The following STAG1 variants were observed in gnomAD, a reference collection of about 807,000 sequenced individuals.
The protein encoded by STAG1 is cohesin subunit SA-1.
STAG1 carries 26 observed loss-of-function variants against 170.9 expected under a neutral mutation model. The ratio of observed to expected loss-of-function variants is 0.15; its 90% confidence interval spans 0.11 to 0.21. The LOEUF is 0.21. STAG1 is among the 10% of genes least tolerant of loss of function. The pLI, the probability that STAG1 is intolerant of heterozygous loss-of-function variation, is 1.00. For synonymous variants in STAG1, 514 were observed against 497.7 expected, an observed-to-expected ratio of 1.03 and a Z score of -0.44; for missense variants, 964 against 1,509.5, an observed-to-expected ratio of 0.64 and a Z score of 5.99.
At chr3:136,373,495 A>C (rs1204716186) in intron 23 of STAG1, among the ~76,000 whole-genome samples, 7 of 151,464 alleles carry the variant, frequency 4.6e-5, no homozygotes, top group Non-Finnish European at 1.0e-4. Context: ...TAGGGCTATA[A>C]ATTTCCCTCT....
intron 2 of STAG1, among the ~76,000 whole-genome samples, chr3:136,623,486 G>A (rs981284776): frequency 3.3e-5 from 5 of 152,104 alleles, no homozygotes; most frequent in African/African-American, 1.2e-4. Context: ...TTGTGGAAAT[G>A]ATAGCTGCTA....
intron 20 of STAG1, among the ~76,000 whole-genome samples, chr3:136,418,449 A>G (rs2087845704): frequency 6.7e-6 from 1 of 149,832 alleles, no homozygotes; most frequent in Non-Finnish European, 1.5e-5. Flanking sequence ...TAAAGGAAAT[A>G]CTCATTAAAT....
intron 1 of STAG1, among the ~76,000 whole-genome samples, chr3:136,711,487 G>A (rs796757107): frequency 7.9e-5 from 12 of 152,134 alleles, no homozygotes; most frequent in African/African-American, 2.9e-4. Context: ...TATAAGCCCA[G>A]GAGGTCAAGG....
intron 7 of STAG1, among the ~76,000 whole-genome samples, chr3:136,504,436 A>G (rs949680183): frequency 2.6e-5 from 4 of 152,206 alleles, no homozygotes; most frequent in African/African-American, 9.6e-5. Context: ...ACTGAGAAAT[A>G]TTCTTGTGTT....
At chr3:136,574,756 C>G (rs779032025) in intron 4 of STAG1, among the ~76,000 whole-genome samples, 24 of 152,092 alleles carry the variant, frequency 1.6e-4, no homozygotes, top group Admixed American at 4.6e-4. Flanking sequence ...CTTTTGGTAA[C>G]TGATAGAAGA....
intron 1 of STAG1, among the ~76,000 whole-genome samples, chr3:136,684,329 C>T (rs1169992968): frequency 6.6e-6 from 1 of 152,046 alleles, no homozygotes; most frequent in Non-Finnish European, 1.5e-5. Flanking sequence ...CAAAACAATA[C>T]GACAAATAGA....
chr3:136,373,465 G>T (rs149327729), intron 23 of STAG1, among the ~76,000 whole-genome samples: 59 of 151,760 alleles, frequency 3.9e-4, no homozygotes, highest in East Asian at 9.7e-4. Context: ...AGATCTTTCC[G>T]GCTTTCTCTT....
Position 136,634,479 on chromosome 3 carries a change from AT to A in STAG1, c.-83-3499del, listed in dbSNP as rs1022591219. ...AAACCCTTAACAACAGAATCTCAAA[AT>A]TTTTTTTTAAAAACCAGAGAAATTA... On this transcript the variant is annotated intron_variant, in intron 1 of 33. Transcript: ENST00000383202. Among the ~76,000 whole-genome samples, 6 of 151,974 alleles carry A rather than the reference AT, an allele frequency of 3.9e-5. No homozygotes were observed. In the East Asian group the frequency reaches 5.8e-4, roughly 15 times the overall value.
chr3:136,493,889 C>A (rs1311409380), intron 9 of STAG1, among the ~76,000 whole-genome samples: 1 of 152,126 alleles, frequency 6.6e-6, no homozygotes, highest in Non-Finnish European at 1.5e-5. Flanking sequence ...TTATGAATAA[C>A]ATTATGCCAT....
At chr3:136,401,067 G>C (rs864437) in intron 21 of STAG1, among the ~76,000 whole-genome samples, 51,692 of 151,992 alleles carry the variant, frequency 0.34, 11,047 homozygotes, top group East Asian at 0.8. Flanking sequence ...AATATTCCTT[G>C]CTATGACACC....
chr3:136,587,945 A>G (rs925375140), intron 4 of STAG1, among the ~76,000 whole-genome samples: 1 of 152,236 alleles, frequency 6.6e-6, no homozygotes, highest in African/African-American at 2.4e-5. Flanking sequence ...CCTGGGCAAC[A>G]AGAGCAAAAG....
chr3:136,455,326 A>T (rs565326183), intron 13 of STAG1, among the ~76,000 whole-genome samples: 16 of 152,348 alleles, frequency 1.1e-4, no homozygotes, highest in Middle Eastern at 3.4e-3. Flanking sequence ...CAGAATCAAG[A>T]AACTATGATT....
At chr3:136,527,805 T>TCAA (rs1286768332) in intron 6 of STAG1, among the ~76,000 whole-genome samples, 1 of 152,176 alleles carries the variant, frequency 6.6e-6, no homozygotes, top group Admixed American at 6.5e-5. Context: ...CTTCTTACAG[T>TCAA]CAAGACCCTC....
chr3:136,384,923 TAGA>T lies in STAG1; in HGVS notation c.2278-7174_2278-7172del, dbSNP rs1181440832. ...TATACAGACTGTCATTTTAAGAAAC[TAGA>T]ATACATTGGAATTTTACTTCCACAA... On this transcript the variant is annotated intron_variant, in intron 22 of 33. Coordinates refer to ENST00000383202, the MANE Select transcript of STAG1 (RefSeq NM_005862.3). 3.2e-4 allele frequency among the ~76,000 whole-genome samples: 48 copies of T among 152,270 alleles called. No individual in the cohort carries two copies. In the East Asian group the frequency reaches 9.3e-3, roughly 29 times the overall value.
chr3:136,525,305 C>T (rs1934949331), intron 6 of STAG1, among the ~76,000 whole-genome samples: 1 of 152,156 alleles, frequency 6.6e-6, no homozygotes, highest in African/African-American at 2.4e-5. Flanking sequence ...GATTCAACTT[C>T]TTCCTGGTTT....
chr3:136,656,641 G>GTGTGTGTGTGTGTA (rs1411137229), intron 1 of STAG1, among the ~76,000 whole-genome samples: 1 of 151,780 alleles, frequency 6.6e-6, no homozygotes, highest in African/African-American at 2.4e-5. Context: ...GTGTGTGTGT[G>GTGTGTGTGTGTGTA]TGTGTATCAA....
intron 26 of STAG1, among the ~76,000 whole-genome samples, chr3:136,361,116 T>C (rs1936847548): frequency 6.6e-6 from 1 of 152,200 alleles, no homozygotes; most frequent in East Asian, 1.9e-4. Flanking sequence ...TTCTACCAAA[T>C]ACCATTATTC....
intron 1 of STAG1, among the ~76,000 whole-genome samples, chr3:136,680,245 A>C (rs185149636): frequency 1.5e-3 from 228 of 152,346 alleles, no homozygotes; most frequent in South Asian, 3.3e-3. Context: ...TGGGCATCAG[A>C]GCGAGACCCT....
intron 29 of STAG1, among the ~76,000 whole-genome samples, chr3:136,348,030 A>G (rs997736584): frequency 6.6e-6 from 1 of 152,224 alleles, no homozygotes; most frequent in Middle Eastern, 3.2e-3. Flanking sequence ...TTAGATTTAA[A>G]TTCTAATTAA....
Sources: gnomAD v4.1 joint callset for allele counts (sites outside exome capture counted in the v4.1 genomes callset) on GRCh38, gnomAD v4.1.1 for gene constraint, MANE v1.5 for transcripts, NCBI Gene and HGNC (gene_info 2026-07-23, HGNC 2026-07-21) for gene names.